The following PTRH1 variants were observed in gnomAD, a reference collection of about 807,000 sequenced individuals.
The protein encoded by PTRH1 is peptidyl-tRNA hydrolase 1 homolog.
PTRH1 carries 13 observed loss-of-function variants against 15.7 expected under a neutral mutation model. The observed-to-expected ratio is 0.83, with a 90% confidence interval of 0.54 to 1.31. PTRH1 has a LOEUF of 1.31. Ranked by LOEUF, PTRH1 falls within the 40% of genes most tolerant of loss-of-function variation. The pLI is 0.00. For missense variants in PTRH1, 319 were observed against 296.2 expected, an observed-to-expected ratio of 1.08 and a Z score of -0.56; for synonymous variants, 139 against 136.7, an observed-to-expected ratio of 1.02 and a Z score of -0.12.
chr9:127,707,341 C>T (rs1044255329), intron 1 of PTRH1: 1 of 777,580 alleles, frequency 1.3e-6, no homozygotes, highest in Admixed American at 2.9e-5. Flanking sequence ...AGCCTCATTT[C>T]CTCATACGTA....
At position 127,715,222 on chromosome 9, in the gene PTRH1, C is replaced by T. The variant is rs1157059604; in HGVS notation, c.97-28G>A. The T allele has an allele frequency of 5.9e-6, 9 of 1,524,162 alleles. No homozygotes were observed. The South Asian group carries it at 1.1e-4, about 18-fold the overall frequency. 94.4% of individuals were successfully genotyped at this position (1,524,162 alleles called of 1,614,324 possible). ...GCGGGCGGCACCAGGGAAACTGAGG[C>T]CCAACAACTCTCGCCACCCCCGATC... is the stretch of plus-strand genomic sequence containing the variant. On this transcript the variant is annotated intron_variant, in intron 1 of 4. Transcript: ENST00000543175. This position sits in a 1 kb window ranked among gnomAD's most constrained non-coding sequence, Gnocchi z 5.8.
At chr9:127,710,842 TG>T, downstream of PTRH1, 4 of 1,438,934 alleles carry the variant, frequency 2.8e-6, no homozygotes, top group Non-Finnish European at 2.8e-6. Context: ...AGCTTCTAAC[TG>T]GGGGGTTAGA....
At chr9:127,714,521 G>A in intron 3 of PTRH1, 82 bp downstream of exon 3, 1 of 1,592,992 alleles carries the variant, frequency 6.3e-7, no homozygotes, top group South Asian at 1.1e-5. Context: ...CATTTCCTGT[G>A]GAGACTGGGT....
rs549752136 is a variant in PTRH1 at position 127,714,071 on chromosome 9, A to G, written c.*29T>C. The G allele has an allele frequency of 1.2e-5, 20 of 1,606,330 alleles. No homozygotes were observed. The African/African-American group carries it at 2.3e-4, about 18-fold the overall frequency. The stretch of plus-strand genomic sequence containing the variant: ...CAGTGGCTGGGTTGGTGGGCACTAC[A>G]GTCAGGCAGGCAGCCATGGCCACTA... On this transcript the variant is annotated 3_prime_UTR_variant, in exon 5 of 5. Coordinates refer to ENST00000543175, the MANE Select transcript of PTRH1 (RefSeq NM_001002913.3).
chr9:127,713,402 G>C (rs572689343), downstream of PTRH1: 30 of 513,360 alleles, frequency 5.8e-5, 1 homozygote, highest in South Asian at 9.4e-4. Context: ...TGCCCTGGGA[G>C]GGGGGTTGGC....
chr9:127,708,503 A>G (rs190776009), intron 1 of PTRH1, among the ~76,000 whole-genome samples: 9 of 152,322 alleles, frequency 5.9e-5, no homozygotes, highest in Admixed American at 5.9e-4. Flanking sequence ...ATTTAATTTA[A>G]TTAAAAAAAA....
chr9:127,709,118 C>A (rs1842707230), downstream of PTRH1, among the ~76,000 whole-genome samples: 1 of 152,218 alleles, frequency 6.6e-6, no homozygotes. This position sits in a 1 kb window ranked among gnomAD's most constrained non-coding sequence, Gnocchi z 4.7. Flanking sequence ...TTAACAAACA[C>A]ACTGCACACC....
At chr9:127,713,333 G>A (rs1407336728), downstream of PTRH1, 2 of 733,332 alleles carry the variant, frequency 2.7e-6, no homozygotes, top group African/African-American at 3.6e-5. Flanking sequence ...CTTCCCATCT[G>A]TAAAATGGGC....
downstream of PTRH1, chr9:127,711,620 TG>T: frequency 7.7e-7 from 1 of 1,294,852 alleles, no homozygotes. Context: ...GAGAGAGGAC[TG>T]GGCCTCCTGT....
At chr9:127,711,300 T>C, downstream of PTRH1, 1 of 1,614,158 alleles carries the variant, frequency 6.2e-7, no homozygotes, top group Non-Finnish European at 8.5e-7. Flanking sequence ...ACGAACCGGA[T>C]GTGGGAGACA....
chr9:127,713,779 T>C (rs1842826921), downstream of PTRH1: 1 of 1,451,138 alleles, frequency 6.9e-7, no homozygotes, highest in Non-Finnish European at 9.7e-7. Flanking sequence ...AGTGCTGGGA[T>C]TATAGGTGTG....
downstream of PTRH1, chr9:127,710,812 C>T: frequency 4.6e-6 from 7 of 1,534,916 alleles, no homozygotes; most frequent in South Asian, 6.0e-5. Flanking sequence ...GGGCTACGAA[C>T]ATCCTAGTCT....
At chr9:127,699,329 A>G (rs896093631) in intron 1 of PTRH1, among the ~76,000 whole-genome samples, 4 of 152,216 alleles carry the variant, frequency 2.6e-5, no homozygotes, top group African/African-American at 9.6e-5. Flanking sequence ...CGCGGAACCG[A>G]CACTCGAGGC....
At chr9:127,713,116 C>T, downstream of PTRH1, 1 of 1,613,130 alleles carries the variant, frequency 6.2e-7, no homozygotes, top group Non-Finnish European at 8.5e-7. Flanking sequence ...TGGTACCTCG[C>T]CAGGTCCACA....
At chr9:127,695,095 G>A (rs752127970) in exon 2 of PTRH1, 56 of 470,904 alleles carry the variant, frequency 1.2e-4, no homozygotes, top group South Asian at 6.2e-4. Context: ...GATGATGATG[G>A]TGATGATGAT....
intron 1 of PTRH1, among the ~76,000 whole-genome samples, chr9:127,698,282 A>G (rs1842577897): frequency 6.6e-6 from 1 of 152,246 alleles, no homozygotes; most frequent in African/African-American, 2.4e-5. Flanking sequence ...GGATTTGAAT[A>G]GCCATTTCTC....
chr9:127,712,730 A>G, downstream of PTRH1: 1 of 1,614,186 alleles, frequency 6.2e-7, no homozygotes, highest in Non-Finnish European at 8.5e-7. Context: ...TGAAGAGGAC[A>G]GTGACGTTGA....
chr9:127,707,231 C>T (rs753888869), intron 1 of PTRH1: 1 of 1,596,410 alleles, frequency 6.3e-7, no homozygotes, highest in East Asian at 2.2e-5. Flanking sequence ...TGCCCTGGGT[C>T]AGAAGCCCAT....
chr9:127,699,952 G>A (rs889129156), intron 1 of PTRH1, among the ~76,000 whole-genome samples: 2 of 151,912 alleles, frequency 1.3e-5, no homozygotes, highest in Non-Finnish European at 2.9e-5. Flanking sequence ...AGACTGAGGC[G>A]GGCAGATCAC....
Sources: gnomAD v4.1 joint callset for allele counts (sites outside exome capture counted in the v4.1 genomes callset) on GRCh38, gnomAD v4.1.1 for gene constraint, Gnocchi (gnomAD v3.1) non-coding constraint, MANE v1.5 for transcripts, NCBI Gene and HGNC (gene_info 2026-07-23, HGNC 2026-07-21) for gene names.